The following ARMH3 variants were observed in gnomAD, a reference collection of about 807,000 sequenced individuals.
ARMH3 encodes the protein armadillo like helical domain containing 3.
Under a neutral mutation model 99.1 loss-of-function variants are expected in ARMH3, and 60 were observed. The ratio of observed to expected loss-of-function variants is 0.61; its 90% CI spans 0.49 to 0.75. The LOEUF (loss-of-function observed/expected upper bound fraction) is 0.75. Ranked by LOEUF, ARMH3 falls within the 30% of genes least tolerant of loss-of-function variation. ARMH3 has a pLI of 0.00. For missense variants in ARMH3, 679 were observed against 843.1 expected, an observed-to-expected ratio of 0.81 and a Z score of 2.41; for synonymous variants, 285 against 292.8, an observed-to-expected ratio of 0.97 and a Z score of 0.27.
intron 1 of ARMH3, among the ~76,000 whole-genome samples, chr10:102,055,012 A>T (rs2067803770): frequency 1.3e-5 from 2 of 148,334 alleles, no homozygotes; most frequent in South Asian, 4.4e-4. Flanking sequence ...AACAAAAAAC[A>T]AAACAAACAA....
At chr10:102,015,825 TTGAG>T (rs1438896588) in intron 8 of ARMH3, among the ~76,000 whole-genome samples, 4 of 152,248 alleles carry the variant, frequency 2.6e-5, no homozygotes, top group South Asian at 4.1e-4. Context: ...AGGATATAGA[TTGAG>T]TATCTCATCT....
intron 23 of ARMH3, among the ~76,000 whole-genome samples, chr10:101,891,289 G>A (rs939928723): frequency 2.0e-5 from 3 of 151,784 alleles, no homozygotes; most frequent in African/African-American, 4.8e-5. Context: ...TCCACCTTCC[G>A]GGTTTAAGCA....
intron 12 of ARMH3, among the ~76,000 whole-genome samples, 162 bp downstream of exon 12, chr10:102,009,815 C>G (rs1466665289): frequency 6.6e-6 from 1 of 152,120 alleles, no homozygotes; most frequent in Admixed American, 6.5e-5. Flanking sequence ...GCAGAAATTT[C>G]TAAGGGTCCA....
At chr10:101,950,214 T>C (rs1247807174) in intron 22 of ARMH3, among the ~76,000 whole-genome samples, 1 of 152,064 alleles carries the variant, frequency 6.6e-6, no homozygotes. Flanking sequence ...TGAATGTCTA[T>C]GTAGAAAATC....
Position 102,040,004 on chromosome 10 carries a change from A to G in ARMH3, c.102+9T>C. 2 of 1,607,642 alleles carry G rather than the reference A, an allele frequency of 1.2e-6. No individual in the cohort carries two copies. The highest frequency in any genetic ancestry group is 1.7e-4 in the Middle Eastern group (1 of 6,048). ...CTCAAGCTGTACACAACAAGGCCGC[A>G]GGCCTTACCATGAAGATCTCATCAT... On this transcript the variant is annotated intron_variant, in intron 2 of 25. Transcript: ENST00000370033.
At chr10:101,899,747 T>C (rs1261413966) in intron 23 of ARMH3, among the ~76,000 whole-genome samples, 1 of 152,222 alleles carries the variant, frequency 6.6e-6, no homozygotes, top group Non-Finnish European at 1.5e-5. Context: ...CCTTCTAACT[T>C]ACCCCCTAAG....
chr10:101,929,210 C>T (rs1156825079), intron 23 of ARMH3, among the ~76,000 whole-genome samples: 1 of 152,114 alleles, frequency 6.6e-6, no homozygotes, highest in Admixed American at 6.5e-5. Context: ...TACTTTTGTA[C>T]TTGTACTTTG....
At chr10:102,024,427 G>A (rs1299934125) in intron 6 of ARMH3, among the ~76,000 whole-genome samples, 1 of 151,534 alleles carries the variant, frequency 6.6e-6, no homozygotes, top group Admixed American at 6.6e-5. Flanking sequence ...CTCCAGCCTA[G>A]GCGACAGAGC....
chr10:102,032,269 T>C (rs371111435), intron 4 of ARMH3, among the ~76,000 whole-genome samples: 1 of 152,310 alleles, frequency 6.6e-6, no homozygotes, highest in South Asian at 2.1e-4. Flanking sequence ...AAGAACTCTG[T>C]AGTATATCTC....
At chr10:101,915,478 T>C (rs1435211575) in intron 23 of ARMH3, among the ~76,000 whole-genome samples, 1 of 152,244 alleles carries the variant, frequency 6.6e-6, no homozygotes, top group Non-Finnish European at 1.5e-5. Flanking sequence ...TCACCATGTA[T>C]GCCCCCTTCC....
intron 13 of ARMH3, among the ~76,000 whole-genome samples, chr10:102,007,105 G>A (rs1257665081): frequency 7.6e-6 from 1 of 132,050 alleles, no homozygotes; most frequent in Non-Finnish European, 1.5e-5. Context: ...AGGTTGCAGT[G>A]AGGTGATATC....
At chr10:101,878,338 A>T (rs2067319835) in intron 24 of ARMH3, among the ~76,000 whole-genome samples, 1 of 152,162 alleles carries the variant, frequency 6.6e-6, no homozygotes, top group Non-Finnish European at 1.5e-5. Flanking sequence ...AAAATAAGTA[A>T]GTAAAAATAT....
At chr10:102,041,650 T>G (rs1173027719) in intron 1 of ARMH3, among the ~76,000 whole-genome samples, 3 of 151,966 alleles carry the variant, frequency 2.0e-5, no homozygotes, top group Non-Finnish European at 4.4e-5. Context: ...TATTTTATTT[T>G]TAGACTTTTT....
chr10:101,889,068 C>T (rs997322555), intron 24 of ARMH3, among the ~76,000 whole-genome samples: 1 of 152,188 alleles, frequency 6.6e-6, no homozygotes, highest in African/African-American at 2.4e-5. Flanking sequence ...TTGGCAGTTT[C>T]ATCCATTTCT....
intron 23 of ARMH3, among the ~76,000 whole-genome samples, chr10:101,899,205 T>C (rs907196139): frequency 1.3e-5 from 2 of 152,224 alleles, no homozygotes; most frequent in Non-Finnish European, 2.9e-5. Flanking sequence ...TAAGGAATTT[T>C]TTTTCCCCCA....
At position 102,023,501 on chromosome 10, in the gene ARMH3, C is replaced by A; in HGVS notation, c.645G>T (p.Leu215Phe). The stretch of plus-strand genomic sequence containing the variant: ...CCTCATATTTTCTATAGTTCACCAG[C>A]AAAGCCAAGAGGACGACAGCATCAT... ...HGYDAVVLLA[L>F]LVNYRKYESV... The change falls in exon 8 of 26, where the codon TTG becomes TTT. Residue 215 changes from leucine to phenylalanine, a missense_variant. By Grantham distance (22) the Leu-to-Phe change is conservative. This residue lies in a region of ARMH3 where 280 missense variants were observed against 354.6 expected (regional missense o/e 0.79). Transcript: ENST00000370033. 1 of 1,614,126 alleles carries A rather than the reference C, an allele frequency of 6.2e-7. No individual in the cohort carries two copies. The highest frequency in any genetic ancestry group is 8.5e-7 in the Non-Finnish European group (1 of 1,180,022).
intron 23 of ARMH3, among the ~76,000 whole-genome samples, chr10:101,911,612 T>A (rs1332176247): frequency 6.6e-6 from 1 of 152,120 alleles, no homozygotes; most frequent in Non-Finnish European, 1.5e-5. Flanking sequence ...GAACCTGTAG[T>A]CCCAGCTACT....
chr10:101,987,159 C>A (rs1226393123), intron 19 of ARMH3, among the ~76,000 whole-genome samples: 1 of 152,106 alleles, frequency 6.6e-6, no homozygotes, highest in Non-Finnish European at 1.5e-5. Context: ...TCCTCATCAT[C>A]CACTTAATCT....
rs74975321 is a variant in ARMH3 at position 101,939,481 on chromosome 10, G to A, written c.1781+382C>T. ...GTTTACCATAAATAGAAATAGTCAC[G>A]TAAAGTAAAAGGTCAACATTCTAGA... On this transcript the variant is annotated intron_variant, in intron 23 of 25. Transcript: ENST00000370033. 3.6e-4 allele frequency among the ~76,000 whole-genome samples: 55 copies of A among 152,250 alleles called. No homozygotes were observed. In the East Asian group the frequency reaches 0.01, roughly 28 times the overall value.
Sources: gnomAD v4.1 joint callset for allele counts (sites outside exome capture counted in the v4.1 genomes callset) on GRCh38, gnomAD v4.1.1 for gene constraint, gnomAD v4.1.1 regional missense constraint, MANE v1.5 for transcripts, NCBI Gene and HGNC (gene_info 2026-07-23, HGNC 2026-07-21) for gene names.